Variants in SMC5 observed in about 807,000 individuals in gnomAD.
SMC5 encodes the protein structural maintenance of chromosomes 5.
A neutral mutation model predicts 148.3 loss-of-function variants in SMC5; 88 were observed. The ratio of observed to expected loss-of-function variants is 0.59; its 90% CI spans 0.50 to 0.71. SMC5 has a LOEUF of 0.71. SMC5 is among the 30% of genes least tolerant of loss of function. The pLI, the probability that SMC5 is intolerant of heterozygous loss-of-function variation, is 0.00. For synonymous variants in SMC5, 421 were observed against 432.8 expected (o/e 0.97, Z 0.34); for missense variants, 1,142 against 1,298.9 (o/e 0.88, Z 1.86).
intron 1 of SMC5, 43 bp downstream of exon 1, chr9:70,259,306 G>A: frequency 6.6e-7 from 1 of 1,511,414 alleles, no homozygotes; most frequent in Non-Finnish European, 8.9e-7. Flanking sequence ...GAGGTGTGCT[G>A]GCCAGCAGGC....
chr9:70,317,224 C>G (rs1375034063), intron 13 of SMC5, among the ~76,000 whole-genome samples: 1 of 152,074 alleles, frequency 6.6e-6, no homozygotes. Context: ...GGCTGTATCT[C>G]TTCCTCAGAA....
chr9:70,268,028 A>G, intron 3 of SMC5, 53 bp downstream of exon 3: 2 of 1,406,366 alleles, frequency 1.4e-6, no homozygotes, highest in South Asian at 1.2e-5. Flanking sequence ...CTTAGTTTAT[A>G]TTCATGTTTT....
Position 70,267,993 on chromosome 9 carries a change from T to G in SMC5, c.380+18T>G, listed in dbSNP as rs374167232. On this transcript the variant is annotated intron_variant, in intron 3 of 24. Coordinates refer to ENST00000361138, the MANE Select transcript of SMC5 (RefSeq NM_015110.4). ...ATTGAATTGTAAGTGTTAAAAGTGC[T>G]AAAACTCCTTTTTCCTATAAAATTC... is the stretch of plus-strand genomic sequence containing the variant. 2 of 1,593,834 alleles carry G rather than the reference T, an allele frequency of 1.3e-6. No individual in the cohort carries two copies. Among genetic ancestry groups the G allele is most frequent in the East Asian group, 2.2e-5 (1 of 44,730 alleles).
chr9:70,347,509 A>G, intron 20 of SMC5, 104 bp from the exon 21 acceptor site: 2 of 628,336 alleles, frequency 3.2e-6, no homozygotes, highest in Non-Finnish European at 5.5e-6. Flanking sequence ...CAAACAATGC[A>G]GCACAATTGG....
intron 15 of SMC5, among the ~76,000 whole-genome samples, chr9:70,319,612 A>G (rs949892537): frequency 6.6e-6 from 1 of 152,220 alleles, no homozygotes; most frequent in Non-Finnish European, 1.5e-5. Flanking sequence ...ATTCTTTAAT[A>G]CTACATCAAA....
intron 8 of SMC5, among the ~76,000 whole-genome samples, chr9:70,293,118 T>A (rs1344790178): frequency 6.6e-6 from 1 of 152,180 alleles, no homozygotes; most frequent in Admixed American, 6.5e-5. Context: ...AACTCTCTGG[T>A]TGTAGAGATT....
At position 70,263,163 on chromosome 9, in the gene SMC5, T is replaced by G. The variant is rs1399355148; in HGVS notation, c.186-1141T>G. Among the ~76,000 whole-genome samples the G allele has an allele frequency of 2.0e-5, 3 of 152,320 alleles. No individual in the cohort carries two copies. In the East Asian group the frequency reaches 5.8e-4, roughly 29 times the overall value. ...GCTTCATGTGTTGAGCGTAAGAAGT[T>G]CCATGTCAGGTAATTTCCTACATGT... On this transcript the variant is annotated intron_variant, in intron 1 of 24. Transcript: ENST00000361138.
intron 15 of SMC5, among the ~76,000 whole-genome samples, chr9:70,320,461 G>A (rs1273883177): frequency 6.6e-6 from 1 of 152,128 alleles, no homozygotes; most frequent in Admixed American, 6.5e-5. Context: ...GGTTATGTCT[G>A]TATGGAACAC....
At position 70,267,928 on chromosome 9, in the gene SMC5, G is replaced by A; in HGVS notation, c.333G>A (p.Gly111=). Residue 111 remains glycine (G), a synonymous_variant, in exon 3 of 25, where the codon GGG becomes GGA. Transcript: ENST00000361138. The part of the protein sequence containing the change: ...PAFMGRADKV[G]FFVKRGCSRG... ...TTTTCTTTTTTATGTCTTAGGTTGG[G>A]TTTTTTGTGAAGAGAGGATGTTCTA... 6.2e-7 allele frequency: 1 copy of A among 1,612,960 alleles called. No individual in the cohort carries two copies. The highest frequency in any genetic ancestry group is 1.7e-5 in the Admixed American group (1 of 59,898).
rs368104313 is a variant in SMC5, at chr9:70,278,838, C to T, written c.678+213C>T. Among the ~76,000 whole-genome samples the T allele has an allele frequency of 2.0e-4, 31 of 152,020 alleles. No homozygotes were observed. The East Asian group carries it at 5.2e-3, about 26-fold the overall frequency. On this transcript the variant is annotated intron_variant, in intron 5 of 24. Coordinates refer to ENST00000361138, the MANE Select transcript of SMC5 (RefSeq NM_015110.4). ...AAAAGGTTGACTATTTCAGCAAATA[C>T]GTATTACTAATTGAATTTTTAAGGA... is the stretch of plus-strand genomic sequence containing the variant.
Position 70,300,116 on chromosome 9 carries a change from C to G in SMC5, c.1380C>G (p.Phe460Leu). 1 of 1,603,554 alleles carries G rather than the reference C, an allele frequency of 6.2e-7. No homozygotes were observed. The highest frequency in any genetic ancestry group is 8.5e-7 in the Non-Finnish European group (1 of 1,176,968). The change falls in exon 10 of 25, where the codon TTC (phenylalanine) becomes TTG (leucine). Residue 460 changes from phenylalanine (F) to leucine (L), a missense_variant. Around this residue, in one of 5 missense-constraint regions of SMC5, gnomAD observed 743 missense variants for 835.7 expected, o/e 0.89. Transcript: ENST00000361138. Reference protein sequence around the residue: ...NQKEDKLRQRFRDTYDAVLWL... With the variant: ...NQKEDKLRQRLRDTYDAVLWL... The stretch of plus-strand genomic sequence containing the variant: ...AGGAAGATAAGCTAAGACAGAGATT[C>G]CGTGACACGTATGATGCTGTTTTAT...
chr9:70,327,803 G>A (rs1210067953), intron 17 of SMC5, among the ~76,000 whole-genome samples: 2 of 152,134 alleles, frequency 1.3e-5, no homozygotes, highest in African/African-American at 2.4e-5. Flanking sequence ...GTGGAATAGG[G>A]TATCTCTTCT....
At chr9:70,315,202 G>A (rs1266399057) in intron 12 of SMC5, among the ~76,000 whole-genome samples, 2 of 151,806 alleles carry the variant, frequency 1.3e-5, no homozygotes, top group Admixed American at 1.3e-4. Context: ...TGGAATATAA[G>A]TAAGCATTCT....
chr9:70,316,643 A>T (rs2118585792), intron 13 of SMC5, among the ~76,000 whole-genome samples: 1 of 152,226 alleles, frequency 6.6e-6, no homozygotes, highest in East Asian at 1.9e-4. Flanking sequence ...TCTCTCTGAA[A>T]GTAAGATTAG....
At chr9:70,292,164 G>A (rs758644618) in intron 8 of SMC5, among the ~76,000 whole-genome samples, 11 of 149,760 alleles carry the variant, frequency 7.3e-5, no homozygotes, top group Non-Finnish European at 1.5e-4. Flanking sequence ...GATTTCTGGA[G>A]TTCCTTACTT....
At chr9:70,348,746 A>C (rs1227366750) in intron 22 of SMC5, among the ~76,000 whole-genome samples, 2 of 152,162 alleles carry the variant, frequency 1.3e-5, no homozygotes, top group African/African-American at 4.8e-5. Flanking sequence ...GAAATTTGCT[A>C]CTAATTTCTT....
chr9:70,303,186 C>T (rs1009251373), intron 10 of SMC5, among the ~76,000 whole-genome samples: 3 of 151,712 alleles, frequency 2.0e-5, no homozygotes, highest in Non-Finnish European at 4.4e-5. Context: ...GTGATCACAC[C>T]ACTGCACTCA....
At chr9:70,318,482 A>T in intron 13 of SMC5, 32 bp from the exon 14 acceptor site, 1 of 1,436,592 alleles carries the variant, frequency 7.0e-7, no homozygotes, top group Non-Finnish European at 9.3e-7. Context: ...AATTTATATT[A>T]GATGTGCACT....
At chr9:70,314,519 A>G (rs1281928222) in intron 11 of SMC5, among the ~76,000 whole-genome samples, 1 of 151,914 alleles carries the variant, frequency 6.6e-6, no homozygotes, top group Non-Finnish European at 1.5e-5. Flanking sequence ...GTTTCACCTG[A>G]AAATATTTTG....
Sources: allele counts gnomAD v4.1 joint callset (sites outside exome capture counted in the v4.1 genomes callset), GRCh38; gene constraint gnomAD v4.1.1; regional missense constraint gnomAD v4.1.1; transcripts MANE v1.5; gene names NCBI Gene and HGNC (gene_info 2026-07-23, HGNC 2026-07-21).